The following ASTN2 variants were observed in gnomAD, a reference collection of about 807,000 sequenced individuals.
ASTN2 encodes the protein astrotactin 2.
ASTN2 carries 54 observed loss-of-function variants against 139.8 expected under a neutral mutation model. The observed-to-expected ratio is 0.39, with a 90% confidence interval of 0.31 to 0.48. The LOEUF (loss-of-function observed/expected upper bound fraction) is 0.48, where lower values mean the gene tolerates loss of function less well. ASTN2 is among the 20% of genes least tolerant of loss of function. The pLI is 0.95. For missense variants in ASTN2, 1,565 were observed against 1,725.1 expected (o/e 0.91, Z 1.64); for synonymous variants, 756 against 719.5 (o/e 1.05, Z -0.81).
intron 11 of ASTN2, among the ~76,000 whole-genome samples, chr9:116,832,336 C>T (rs1375178091): frequency 6.6e-6 from 1 of 151,924 alleles, no homozygotes; most frequent in Non-Finnish European, 1.5e-5. Context: ...TGAATGCCTT[C>T]TTCCTTTTTT....
intron 19 of ASTN2, among the ~76,000 whole-genome samples, chr9:116,614,739 C>T (rs1471294005): frequency 6.6e-6 from 1 of 152,170 alleles, no homozygotes; most frequent in Non-Finnish European, 1.5e-5. Flanking sequence ...GGATTAAAGA[C>T]TTAAATGTTA....
At chr9:117,206,981 C>G (rs974603441) in intron 3 of ASTN2, among the ~76,000 whole-genome samples, 1 of 152,150 alleles carries the variant, frequency 6.6e-6, no homozygotes, top group Non-Finnish European at 1.5e-5. Flanking sequence ...ACAGGACAGC[C>G]CTGGTGGGCA....
intron 3 of ASTN2, among the ~76,000 whole-genome samples, chr9:117,152,608 T>C (rs536992166): frequency 1.3e-5 from 2 of 152,282 alleles, no homozygotes; most frequent in South Asian, 4.1e-4. Flanking sequence ...GCATATTGTG[T>C]CAAACACTTG....
chr9:117,291,215 T>G, intron 2 of ASTN2, 111 bp downstream of exon 2: 8 of 1,362,840 alleles, frequency 5.9e-6, no homozygotes, highest in African/African-American at 1.4e-5. Context: ...TCTAACCTCT[T>G]GAGTTTGGTT....
At chr9:117,277,857 C>A (rs1483321187) in intron 2 of ASTN2, among the ~76,000 whole-genome samples, 1 of 152,160 alleles carries the variant, frequency 6.6e-6, no homozygotes, top group Non-Finnish European at 1.5e-5. Context: ...TGCATATTCC[C>A]CACCATATGG....
chr9:117,383,448 T>C (rs1830320747), intron 1 of ASTN2, among the ~76,000 whole-genome samples: 2 of 152,186 alleles, frequency 1.3e-5, no homozygotes, highest in Admixed American at 1.3e-4. Flanking sequence ...CAAAACTCAC[T>C]GAAATGTGCA....
chr9:117,262,373 CTG>C (rs1272716575), intron 2 of ASTN2, among the ~76,000 whole-genome samples: 1 of 151,158 alleles, frequency 6.6e-6, no homozygotes, highest in Admixed American at 6.7e-5. Context: ...CCACCCAACA[CTG>C]TGGTTGATAT....
intron 1 of ASTN2, among the ~76,000 whole-genome samples, chr9:117,367,960 T>C (rs1829889846): frequency 6.6e-6 from 1 of 152,144 alleles, no homozygotes; most frequent in Non-Finnish European, 1.5e-5. Context: ...ATGGAGTATG[T>C]GCTCTTTTCA....
chr9:117,191,123 G>T (rs1831336452), intron 3 of ASTN2, among the ~76,000 whole-genome samples: 2 of 150,024 alleles, frequency 1.3e-5, no homozygotes, highest in South Asian at 4.2e-4. Flanking sequence ...CAGACCATTT[G>T]ACCCAATAAT....
At chr9:116,450,262 G>A (rs1242266818) in intron 20 of ASTN2, among the ~76,000 whole-genome samples, 1 of 152,160 alleles carries the variant, frequency 6.6e-6, no homozygotes, top group Non-Finnish European at 1.5e-5. Context: ...ACGTAATTGT[G>A]ACAGAAATCA....
chr9:117,380,287 G>A (rs1830231721), intron 1 of ASTN2, among the ~76,000 whole-genome samples: 1 of 152,088 alleles, frequency 6.6e-6, no homozygotes, highest in African/African-American at 2.4e-5. Flanking sequence ...GTTTTCTGGA[G>A]AAAGAGATCA....
rs527375706 is a variant in ASTN2 at position 116,741,489 on chromosome 9, C to T, written c.2397-7966G>A. On this transcript the variant is annotated intron_variant, in intron 13 of 22. Transcript: ENST00000313400. ...CTGGTGTACACTGTGCCTCATCCCC[C>T]CTCTCTGACTGAACTGAGCCTTTAT... Among the ~76,000 whole-genome samples, 7 of 152,290 alleles carry T rather than the reference C, an allele frequency of 4.6e-5. 1 individual carries two copies. The South Asian group carries it at 1.5e-3, about 32-fold the overall frequency.
Position 116,625,129 on chromosome 9 carries a change from C to T in ASTN2, c.3073-4686G>A, listed in dbSNP as rs1856378270. 2.0e-5 allele frequency among the ~76,000 whole-genome samples: 3 copies of T among 152,128 alleles called. No individual in the cohort carries two copies. The South Asian group carries it at 6.2e-4, about 32-fold the overall frequency. On this transcript the variant is annotated intron_variant, in intron 17 of 22. Transcript: ENST00000313400. ...GTGGTCAACCCTCTACCTTATAAGG[C>T]ATCTCAAAACCAACCTCCCAGCTGG...
chr9:117,002,358 G>A (rs187936311), intron 7 of ASTN2, among the ~76,000 whole-genome samples: 1 of 152,304 alleles, frequency 6.6e-6, no homozygotes, highest in African/African-American at 2.4e-5. Flanking sequence ...TTAAAGGGTG[G>A]AAGACATTTC....
intron 4 of ASTN2, among the ~76,000 whole-genome samples, chr9:117,119,747 G>C (rs1829492684): frequency 6.6e-6 from 1 of 151,836 alleles, no homozygotes; most frequent in Admixed American, 6.6e-5. Flanking sequence ...TGATAGATGG[G>C]ATTTGCCAGA....
At chr9:116,502,992 G>A (rs141836970) in intron 19 of ASTN2, among the ~76,000 whole-genome samples, 107 of 138,634 alleles carry the variant, frequency 7.7e-4, no homozygotes, top group Admixed American at 2.7e-3. Context: ...GAGAGGGAGG[G>A]AGAGAGGGAA....
intron 13 of ASTN2, among the ~76,000 whole-genome samples, chr9:116,766,527 ACACT>A (rs1178092783): frequency 6.6e-6 from 1 of 151,968 alleles, no homozygotes; most frequent in Non-Finnish European, 1.5e-5. Context: ...AAATGCACAC[ACACT>A]CACATACACA....
intron 1 of ASTN2, among the ~76,000 whole-genome samples, chr9:117,350,249 A>T (rs1829344998): frequency 1.3e-5 from 2 of 152,184 alleles, no homozygotes; most frequent in South Asian, 4.1e-4. Context: ...GGTTTGGAGA[A>T]TAGAGAAATA....
intron 1 of ASTN2, among the ~76,000 whole-genome samples, chr9:117,382,348 G>C (rs1383226383): frequency 6.6e-6 from 1 of 152,200 alleles, no homozygotes; most frequent in Non-Finnish European, 1.5e-5. Context: ...GAACAAGTCT[G>C]ATCTGCAGAG....
Sources: gnomAD v4.1 joint callset for allele counts (sites outside exome capture counted in the v4.1 genomes callset) on GRCh38, gnomAD v4.1.1 for gene constraint, MANE v1.5 for transcripts, NCBI Gene and HGNC (gene_info 2026-07-23, HGNC 2026-07-21) for gene names.